KLHL30: variants seen among roughly 807,000 people sequenced by gnomAD.
KLHL30 encodes the protein kelch like family member 30, also known as kelch-like protein 30.
KLHL30 carries 55 observed loss-of-function variants against 55.0 expected under a neutral mutation model. That is an observed-to-expected ratio of 1.00 (90% CI 0.80 to 1.25). The LOEUF is 1.25. Among genes scored for constraint, KLHL30 ranks in the 50% most tolerant of loss-of-function variants. KLHL30 has a pLI of 0.00. For missense variants in KLHL30, 786 were observed against 811.6 expected (o/e 0.97, Z 0.38); for synonymous variants, 356 against 372.6 (o/e 0.96, Z 0.51).
chr2:238,149,706 G>A (rs892047075), intron 7 of KLHL30, among the ~76,000 whole-genome samples: 1 of 152,168 alleles, frequency 6.6e-6, no homozygotes, highest in Non-Finnish European at 1.5e-5. Context: ...TGGGGAGGGG[G>A]TTCCTGAGCT....
Position 238,149,037 on chromosome 2 carries a change from T to C in KLHL30, c.1370T>C (p.Leu457Pro). 6.2e-7 allele frequency: 1 copy of C among 1,612,044 alleles called. No homozygotes were observed. Reference protein sequence around the residue: ...DAWSVIASPFLPKYLSSPRCA... With the variant: ...DAWSVIASPFPPKYLSSPRCA... ...TGGAGTGTGATCGCCTCGCCCTTCC[T>C]GCCCAAGTACCTGTCCTCGCCTCGC... The change falls in exon 7 of 8, where the codon CTG becomes CCG. Residue 457 changes from leucine (L) to proline (P), a missense_variant. Coordinates refer to ENST00000409223, the MANE Select transcript of KLHL30 (RefSeq NM_198582.4).
chr2:238,142,808 G>A lies in KLHL30; in HGVS notation c.784G>A (p.Ala262Thr), dbSNP rs758713618. Residue 262 changes from alanine to threonine, a missense_variant, in exon 3 of 8, where the codon GCC (alanine) becomes ACC (threonine). By Grantham distance (58) the Ala-to-Thr change is moderately conservative. Coordinates refer to ENST00000409223, the MANE Select transcript of KLHL30 (RefSeq NM_198582.4). The stretch of plus-strand genomic sequence containing the variant: ...GCCTCCCACCCCACAGGCACCACTC[G>A]CCCTCCAGCAGAAGCTGGAGGAGGT... Reference protein sequence around the residue: ...LSQGHDGAPLALQQKLEEVLV... With the variant: ...LSQGHDGAPLTLQQKLEEVLV... The A allele has an allele frequency of 1.4e-5, 20 of 1,407,720 alleles. No individual in the cohort carries two copies. The East Asian group carries it at 2.6e-4, about 18-fold the overall frequency. The allele number at this position is 1,407,720 out of a possible 1,614,324, so 87.2% of individuals were successfully genotyped here.
chr2:238,144,432 A>AATGAAGGAAGGAAGGCAGGC (rs1692607763), intron 3 of KLHL30, among the ~76,000 whole-genome samples: 6 of 82,454 alleles, frequency 7.3e-5, no homozygotes, highest in South Asian at 4.1e-4. Flanking sequence ...GGAAGGAAGG[A>AATGAAGGAAGGAAGGCAGGC]AGGCAGGCAG....
At chr2:238,145,856 C>A in intron 5 of KLHL30, 24 bp downstream of exon 5, 1 of 1,571,582 alleles carries the variant, frequency 6.4e-7, no homozygotes, top group Admixed American at 1.8e-5. Context: ...CTCCACCCTT[C>A]CCTGGGGCCT....
chr2:238,151,901 T>C lies in KLHL30; in HGVS notation c.*836T>C, dbSNP rs1362375778. 3 of 985,366 alleles carry C rather than the reference T, an allele frequency of 3.0e-6. No homozygotes were observed. Among genetic ancestry groups the C allele is most frequent in the African/African-American group, 3.5e-5 (2 of 57,238 alleles). 61.0% of individuals were successfully genotyped at this position (985,366 alleles called of 1,614,324 possible). A position where few individuals can be genotyped will look rare whatever the true frequency, so the allele number is the denominator to read the frequency against. On this transcript the variant is annotated 3_prime_UTR_variant, in exon 8 of 8. Transcript: ENST00000409223. Reference sequence around the variant, plus strand: ...CACCAGGGGACGACTCTTGGGTGCATTGGTGGCAGCCTCCTGAGGGTGAGG... The same window carrying C: ...CACCAGGGGACGACTCTTGGGTGCACTGGTGGCAGCCTCCTGAGGGTGAGG...
At position 238,147,705 on chromosome 2, in the gene KLHL30, C is replaced by G; in HGVS notation, c.1151-129C>G. The G allele has an allele frequency of 1.9e-6, 1 of 520,578 alleles. No homozygotes were observed. Among genetic ancestry groups the G allele is most frequent in the Non-Finnish European group, 3.1e-6 (1 of 319,518 alleles). The allele number at this position is 520,578 out of a possible 1,614,324, so 32.2% of individuals were successfully genotyped here. A position where few individuals can be genotyped will look rare whatever the true frequency, so the allele number is the denominator to read the frequency against. Reference sequence around the variant, plus strand: ...CCAGCACCTCTCAGAACCTCAGCTTCCCTGTCTGTGAAATGGGGAGCCCAC... The same window carrying G: ...CCAGCACCTCTCAGAACCTCAGCTTGCCTGTCTGTGAAATGGGGAGCCCAC... On this transcript the variant is annotated intron_variant, in intron 5 of 7. Transcript: ENST00000409223. This position sits in a 1 kb window ranked among gnomAD's most constrained non-coding sequence, Gnocchi z 5.8.
At position 238,150,972 on chromosome 2, in the gene KLHL30, C is replaced by G. The variant is rs1692745386; in HGVS notation, c.1644C>G (p.Ala548=). The G allele has an allele frequency of 6.3e-7, 1 of 1,590,268 alleles. No individual in the cohort carries two copies. Among genetic ancestry groups the G allele is most frequent in the African/African-American group, 1.3e-5 (1 of 74,406 alleles). ...TVRDTWTRHG[A]LPRLWLYHGA... is the part of the protein sequence containing the mutation. ...GGGACACCTGGACCCGCCACGGCGC[C>G]CTGCCCCGGCTCTGGCTCTACCACG... Residue 548 remains alanine (A), a synonymous_variant, in exon 8 of 8, where the codon GCC becomes GCG. Coordinates refer to ENST00000409223, the MANE Select transcript of KLHL30 (RefSeq NM_198582.4).
At chr2:238,143,025 G>A (rs527717830) in intron 3 of KLHL30, 94 bp downstream of exon 3, 419 of 1,365,208 alleles carry the variant, frequency 3.1e-4, no homozygotes, top group African/African-American at 2.3e-3. Context: ...CATGAGGCTC[G>A]CAGAGGACCG....
rs368011864 is a variant in KLHL30, at chr2:238,151,183, G to A, written c.*118G>A. On this transcript the variant is annotated 3_prime_UTR_variant, in exon 8 of 8. Transcript: ENST00000409223. ...GGAGCTACCATTCCTTCCAAGCTGC[G>A]CTCAGGCCACCAGGGGTGATCAGAC... The A allele has an allele frequency of 3.6e-6, 5 of 1,389,172 alleles. No individual in the cohort carries two copies. The highest frequency in any genetic ancestry group is 2.5e-5 in the East Asian group (1 of 39,862). 86.1% of individuals were successfully genotyped at this position (1,389,172 alleles called of 1,614,324 possible).
chr2:238,151,280 G>A lies in KLHL30; in HGVS notation c.*215G>A, dbSNP rs1574762297. The A allele has an allele frequency of 7.6e-6, 5 of 657,570 alleles. No homozygotes were observed. The highest frequency in any genetic ancestry group is 1.8e-5 in the African/African-American group (1 of 54,948). 40.7% of individuals were successfully genotyped at this position (657,570 alleles called of 1,614,324 possible). On this transcript the variant is annotated 3_prime_UTR_variant, in exon 8 of 8. Coordinates refer to ENST00000409223, the MANE Select transcript of KLHL30 (RefSeq NM_198582.4). ...AAACTCTGAGCTGAGCAGTGACAAG[G>A]GCCTGAGTGCCAGACGCTGGCATAA...
rs756565007 is a variant in KLHL30, at chr2:238,147,814, C to T, written c.1151-20C>T. ...CCCTCTCCTCCCCAGCCCTGAACTGCCCCCGCCCTCACCCCACAGGCACCA... is the reference window on the plus strand; with the variant it reads ...CCCTCTCCTCCCCAGCCCTGAACTGTCCCCGCCCTCACCCCACAGGCACCA... On this transcript the variant is annotated intron_variant, in intron 5 of 7. Coordinates refer to ENST00000409223, the MANE Select transcript of KLHL30 (RefSeq NM_198582.4). This position sits in a 1 kb window ranked among gnomAD's most constrained non-coding sequence, Gnocchi z 5.8. 26 of 1,456,592 alleles carry T rather than the reference C, an allele frequency of 1.8e-5. No homozygotes were observed. In the South Asian group the frequency reaches 3.5e-4, roughly 20 times the overall value. 90.2% of individuals were successfully genotyped at this position (1,456,592 alleles called of 1,614,324 possible).
intron 1 of KLHL30, among the ~76,000 whole-genome samples, chr2:238,139,203 G>T (rs933109014): frequency 6.6e-6 from 1 of 152,212 alleles, no homozygotes; most frequent in African/African-American, 2.4e-5. Flanking sequence ...AAGTGGGGGC[G>T]CTCATGCGTG....
At chr2:238,145,122 AG>A in intron 4 of KLHL30, 134 bp downstream of exon 4, 1 of 745,326 alleles carries the variant, frequency 1.3e-6, no homozygotes, top group Middle Eastern at 2.5e-4. Flanking sequence ...TGTGAAAACA[AG>A]GACATTTAAA....
In KLHL30 at chr2:238,145,721, G is replaced by T. The variant is rs779580682; in HGVS notation, c.1039G>T (p.Ala347Ser). The T allele has an allele frequency of 1.3e-6, 2 of 1,591,156 alleles. No individual in the cohort carries two copies. The highest frequency in any genetic ancestry group is 1.7e-6 in the Non-Finnish European group (2 of 1,170,294). Reference protein sequence around the residue: ...TKTDTWSTTQAWCFPLKEASW... With the variant: ...TKTDTWSTTQSWCFPLKEASW... ...GACAGACACCTGGTCAACCACCCAG[G>T]CCTGGTGCTTCCCCCTGAAGGAGGC... is the stretch of plus-strand genomic sequence containing the variant. Residue 347 changes from alanine (A) to serine (S), a missense_variant, in exon 5 of 8, where the codon GCC becomes TCC. By Grantham distance (99) the Ala-to-Ser change is moderately conservative. Transcript: ENST00000409223.
intron 3 of KLHL30, among the ~76,000 whole-genome samples, chr2:238,143,642 G>T (rs7588017): frequency 0.023 from 3,457 of 152,350 alleles, 125 homozygotes; most frequent in African/African-American, 0.078. Context: ...CCACCAGGCA[G>T]GTCGCCAACC....
chr2:238,145,968 G>A, intron 5 of KLHL30, 136 bp downstream of exon 5: 1 of 1,114,826 alleles, frequency 9.0e-7, no homozygotes, highest in Non-Finnish European at 1.2e-6. Context: ...AGGGCTCGCT[G>A]TCTGGTGGGG....
intron 5 of KLHL30, among the ~76,000 whole-genome samples, chr2:238,146,082 G>A (rs1700532398): frequency 6.6e-6 from 1 of 152,128 alleles, no homozygotes; most frequent in African/African-American, 2.4e-5. Context: ...TGCTGGGACA[G>A]CGACAGCAAG....
Position 238,151,767 on chromosome 2 carries a change from G to T in KLHL30, c.*702G>T. The T allele has an allele frequency of 6.0e-6, 3 of 503,984 alleles. No individual in the cohort carries two copies. The highest frequency in any genetic ancestry group is 7.7e-6 in the Non-Finnish European group (3 of 389,828). The allele number at this position is 503,984 out of a possible 1,614,324, so 31.2% of individuals were successfully genotyped here. ...GCACCAGGAAGGAGGGAGGCAGGGC[G>T]TGGGGCGGGGCTGGAGGGTCCCAGG... On this transcript the variant is annotated 3_prime_UTR_variant, in exon 8 of 8. Transcript: ENST00000409223.
In KLHL30 at chr2:238,152,056, G is replaced by C. The variant is rs557115999; in HGVS notation, c.*991G>C. ...AAGGAGACAATGAAGGACTCTCCCTGGGTGCCCAATGGCGTGTCCCTCCTG... is the reference window on the plus strand; with the variant it reads ...AAGGAGACAATGAAGGACTCTCCCTCGGTGCCCAATGGCGTGTCCCTCCTG... On this transcript the variant is annotated 3_prime_UTR_variant, in exon 8 of 8. Transcript: ENST00000409223. 2.0e-3 allele frequency: 1,955 copies of C among 985,496 alleles called. 3 individuals carry two copies. Among genetic ancestry groups the C allele is most frequent in the Admixed American group, 5.3e-3 (86 of 16,292 alleles). 61.0% of individuals were successfully genotyped at this position (985,496 alleles called of 1,614,324 possible). A position where few individuals can be genotyped will look rare whatever the true frequency, so the allele number is the denominator to read the frequency against.
Sources: allele counts gnomAD v4.1 joint callset (sites outside exome capture counted in the v4.1 genomes callset), GRCh38; gene constraint gnomAD v4.1.1; non-coding constraint Gnocchi (gnomAD v3.1); transcripts MANE v1.5; gene names NCBI Gene and HGNC (gene_info 2026-07-23, HGNC 2026-07-21).